Variants in BOD1L1 observed in about 807,000 individuals in gnomAD.
The protein encoded by BOD1L1 is biorientation of chromosomes in cell division 1 like 1.
Under a neutral mutation model 240.7 loss-of-function variants are expected in BOD1L1, and 86 were observed. The observed-to-expected ratio is 0.36, with a 90% CI of 0.30 to 0.43. The LOEUF (loss-of-function observed/expected upper bound fraction) is 0.43. Among genes scored for constraint, BOD1L1 ranks in the 20% least tolerant of loss-of-function variants. The pLI is 1.00. For synonymous variants in BOD1L1, 1,268 were observed against 1,272.3 expected, an observed-to-expected ratio of 1.00 and a Z score of 0.07; for missense variants, 3,554 against 3,643.5, an observed-to-expected ratio of 0.98 and a Z score of 0.63.
rs2108889182 is a variant in BOD1L1 at position 13,579,920 on chromosome 4, G to C, written c.8749+8C>G. ...GATAACACACAGAGGAATGCGGTAG[G>C]TACATACCTGTTTGCATTACTTTCA... On this transcript the variant is annotated splice_region_variant and intron_variant, in intron 22 of 25. Transcript: ENST00000040738. 6.4e-7 allele frequency: 1 copy of C among 1,558,488 alleles called. No individual in the cohort carries two copies. The highest frequency in any genetic ancestry group is 8.7e-7 in the Non-Finnish European group (1 of 1,149,436).
rs377512865 is a variant in BOD1L1, at chr4:13,605,005, C to T, written c.1895G>A (p.Arg632Gln). 38 of 1,610,468 alleles carry T rather than the reference C, an allele frequency of 2.4e-5. No homozygotes were observed. Among genetic ancestry groups the T allele is most frequent in the Admixed American group, 1.5e-4 (9 of 59,006 alleles). Residue 632 changes from arginine to glutamine, a missense_variant, in exon 10 of 26, where the codon CGG (arginine) becomes CAG (glutamine). By Grantham distance (43) the Arg-to-Gln change is conservative (BLOSUM62 1). This residue lies in a region of BOD1L1 where 3,393 missense variants were observed against 3,427.1 expected (regional missense o/e 0.99). Transcript: ENST00000040738. Reference sequence around the variant, plus strand: ...TACATGCAAAGACTCTGAAAGTCTCCGGGCAGGTTTACTTGGTTCACTTTT... The same window carrying T: ...TACATGCAAAGACTCTGAAAGTCTCTGGGCAGGTTTACTTGGTTCACTTTT... ...HAKSEPSKPA[R>Q]RLSESLHVVD...
At chr4:13,597,298 A>T in intron 10 of BOD1L1, 130 bp from the exon 11 acceptor site, 1 of 669,536 alleles carries the variant, frequency 1.5e-6, no homozygotes, top group South Asian at 1.8e-5. Flanking sequence ...TTTTGCTGTC[A>T]GTAGAAAATG....
At chr4:13,579,441 A>G (rs1178008165) in intron 22 of BOD1L1, among the ~76,000 whole-genome samples, 2 of 152,216 alleles carry the variant, frequency 1.3e-5, no homozygotes, top group Admixed American at 1.3e-4. Flanking sequence ...TGCTGATGAG[A>G]ATATGTACTT....
intron 17 of BOD1L1, among the ~76,000 whole-genome samples, chr4:13,584,842 C>T (rs1342878096): frequency 2.0e-5 from 3 of 152,096 alleles, no homozygotes; most frequent in Admixed American, 6.5e-5. Flanking sequence ...ATTTACTACA[C>T]AGAAAACTTT....
At chr4:13,598,142 G>C (rs559670547) in intron 10 of BOD1L1, among the ~76,000 whole-genome samples, 1 of 152,198 alleles carries the variant, frequency 6.6e-6, no homozygotes, top group Non-Finnish European at 1.5e-5. Flanking sequence ...TAAAGTATCT[G>C]AAGTTGGACG....
At position 13,609,323 on chromosome 4, in the gene BOD1L1, C is replaced by CA; in HGVS notation, c.1574_1575insT (p.Lys525AsnfsTer14). The CA allele has an allele frequency of 6.4e-7, 1 of 1,554,626 alleles. No individual in the cohort carries two copies. Among genetic ancestry groups the CA allele is most frequent in the Non-Finnish European group, 8.7e-7 (1 of 1,153,178 alleles). ...GACCCTTGGTTTTTGAAGACTTTGT[C>CA]TTTTCTGCTTTCTGTTTTCGTTTTT... is the stretch of plus-strand genomic sequence containing the variant. On this transcript the variant is annotated frameshift_variant, in exon 7 of 26. Coordinates refer to ENST00000040738, the MANE Select transcript of BOD1L1 (RefSeq NM_148894.3). LOFTEE classifies it high-confidence loss of function.
At chr4:13,598,720 A>C (rs947920748) in intron 10 of BOD1L1, among the ~76,000 whole-genome samples, 1 of 152,208 alleles carries the variant, frequency 6.6e-6, no homozygotes, top group Non-Finnish European at 1.5e-5. Context: ...CACACATGAG[A>C]AATGGGCCAA....
In BOD1L1 at chr4:13,595,871, G is replaced by C. The variant is rs1272470988; in HGVS notation, c.8093C>G (p.Pro2698Arg). 11 of 1,613,360 alleles carry C rather than the reference G, an allele frequency of 6.8e-6. No homozygotes were observed. The highest frequency in any genetic ancestry group is 9.3e-6 in the Non-Finnish European group (11 of 1,179,684). ...APPESLCGGK[P>R]SGIAELQREP... ...TCTAAAGAGCTCACCTATTCCACTT[G>C]GCTTTCCCCCACACAGACTTTCTGG... Residue 2698 changes from proline (P) to arginine (R), a missense_variant, in exon 12 of 26, where the codon CCA becomes CGA. By Grantham distance (103) the Pro-to-Arg change is moderately radical. Around this residue, in one of 2 missense-constraint regions of BOD1L1, gnomAD observed 3,393 missense variants for 3,427.1 expected, o/e 0.99. Transcript: ENST00000040738.
At position 13,604,949 on chromosome 4, in the gene BOD1L1, C is replaced by T; in HGVS notation, c.1951G>A (p.Glu651Lys). The stretch of plus-strand genomic sequence containing the variant: ...GATGTCCGTCTTTTATGTTCTCTTT[C>T]TAATTTGGATTCATTTTTGTTTTCG... ...VDENKNESKL[E>K]REHKRRTSTP... Residue 651 changes from glutamate to lysine, a missense_variant, in exon 10 of 26, where the codon GAA becomes AAA. This residue lies in a region of BOD1L1 where 3,393 missense variants were observed against 3,427.1 expected (regional missense o/e 0.99). Coordinates refer to ENST00000040738, the MANE Select transcript of BOD1L1 (RefSeq NM_148894.3). 3 of 1,613,672 alleles carry T rather than the reference C, an allele frequency of 1.9e-6. No individual in the cohort carries two copies. The highest frequency in any genetic ancestry group is 1.7e-6 in the Non-Finnish European group (2 of 1,179,786).
chr4:13,607,228 T>A (rs775361389), intron 8 of BOD1L1, 39 bp from the exon 9 acceptor site: 24 of 1,309,964 alleles, frequency 1.8e-5, no homozygotes, highest in Non-Finnish European at 2.4e-5. Flanking sequence ...ATGAATCAAA[T>A]ACGAAAATTT....
intron 17 of BOD1L1, among the ~76,000 whole-genome samples, chr4:13,584,441 A>AGTGTGTGTGTGTGT (rs36096107): frequency 1.4e-4 from 19 of 134,904 alleles, no homozygotes; most frequent in South Asian, 7.8e-4. Flanking sequence ...AGAGAGAGAG[A>AGTGTGTGTGTGTGT]GTGTGTGTGT....
chr4:13,610,618 A>G (rs1327132326), intron 6 of BOD1L1, among the ~76,000 whole-genome samples: 1 of 152,248 alleles, frequency 6.6e-6, no homozygotes, highest in Non-Finnish European at 1.5e-5. Context: ...AAGGAATTTC[A>G]TGTTTAGACT....
Position 13,603,392 on chromosome 4 carries a change from A to T in BOD1L1, c.3508T>A (p.Cys1170Ser). ...ATVQKDELRTCTADSKATAPA... is the reference protein window; with the variant it reads ...ATVQKDELRTSTADSKATAPA... ...GCTGTTGCTTTTGAATCTGCTGTGC[A>T]AGTTCTCAATTCATCCTTTTGAACA... Residue 1170 changes from cysteine (C) to serine (S), a missense_variant, in exon 10 of 26, where the codon TGC becomes AGC. Physicochemically the swap from Cys to Ser is moderately radical, Grantham distance 112. This residue lies in a region of BOD1L1 where 3,393 missense variants were observed against 3,427.1 expected (regional missense o/e 0.99). Coordinates refer to ENST00000040738, the MANE Select transcript of BOD1L1 (RefSeq NM_148894.3). 1 of 1,613,984 alleles carries T rather than the reference A, an allele frequency of 6.2e-7. No individual in the cohort carries two copies. The highest frequency in any genetic ancestry group is 2.2e-5 in the East Asian group (1 of 44,886).
Position 13,604,391 on chromosome 4 carries a change from T to C in BOD1L1, c.2509A>G (p.Lys837Glu). 1 of 1,579,012 alleles carries C rather than the reference T, an allele frequency of 6.3e-7. No homozygotes were observed. Among genetic ancestry groups the C allele is most frequent in the Non-Finnish European group, 8.5e-7 (1 of 1,171,064 alleles). ...GACCTTCTTGATTTGTGCTCTGCCT[T>C]AGTTTTTTCAGCTGACAAGCGTCTC... ...KERRLSAEKT[K>E]AEHKSRRSSD... The change falls in exon 10 of 26, where the codon AAG (lysine) becomes GAG (glutamate). Residue 837 changes from lysine to glutamate, a missense_variant. Transcript: ENST00000040738.
intron 13 of BOD1L1, 32 bp from the exon 14 acceptor site, chr4:13,590,478 T>C (rs1037514370): frequency 1.7e-6 from 2 of 1,154,810 alleles, no homozygotes; most frequent in Non-Finnish European, 2.4e-6. Flanking sequence ...TATTTATGGA[T>C]AGTCTCACAA....
intron 7 of BOD1L1, 61 bp downstream of exon 7, chr4:13,609,234 G>A (rs1029916869): frequency 1.2e-5 from 11 of 955,506 alleles, no homozygotes; most frequent in Non-Finnish European, 1.6e-5. Context: ...TAATATAAGA[G>A]TACCCAGAAA....
intron 10 of BOD1L1, 68 bp downstream of exon 10, chr4:13,598,878 C>T: frequency 6.8e-7 from 1 of 1,464,074 alleles, no homozygotes. Flanking sequence ...GAAGACTGTC[C>T]TAAATGCACT....
At chr4:13,586,798 T>G (rs1713737634) in intron 16 of BOD1L1, among the ~76,000 whole-genome samples, 1 of 152,226 alleles carries the variant, frequency 6.6e-6, no homozygotes, top group Admixed American at 6.5e-5. Flanking sequence ...CTAAGAGGTA[T>G]AGCTTAGTAA....
Position 13,599,675 on chromosome 4 carries a change from T to C in BOD1L1, c.7225A>G (p.Asn2409Asp). 3.1e-6 allele frequency: 5 copies of C among 1,613,976 alleles called. No individual in the cohort carries two copies. The highest frequency in any genetic ancestry group is 4.2e-6 in the Non-Finnish European group (5 of 1,179,898). The stretch of plus-strand genomic sequence containing the variant: ...GAGGGCTTGTGGACTGATGGCCCGT[T>C]GTGCCCCTCCTCGGTGCTCACTGCC... Reference protein sequence around the residue: ...VLAVSTEEGHNGPSVHKPSAG... With the variant: ...VLAVSTEEGHDGPSVHKPSAG... Residue 2409 changes from asparagine to aspartate, a missense_variant, in exon 10 of 26, where the codon AAC (asparagine) becomes GAC (aspartate). By Grantham distance (23) the Asn-to-Asp change is conservative. Coordinates refer to ENST00000040738, the MANE Select transcript of BOD1L1 (RefSeq NM_148894.3).
Sources: gnomAD v4.1 joint callset for allele counts (sites outside exome capture counted in the v4.1 genomes callset) on GRCh38, gnomAD v4.1.1 for gene constraint, gnomAD v4.1.1 regional missense constraint, MANE v1.5 for transcripts, NCBI Gene and HGNC (gene_info 2026-07-23, HGNC 2026-07-21) for gene names.